The following CARD8 variants were observed in gnomAD, a reference collection of about 807,000 sequenced individuals.
The protein encoded by CARD8 is caspase recruitment domain family member 8.
A neutral mutation model predicts 53.2 loss-of-function variants in CARD8; 38 were observed. The observed-to-expected ratio is 0.71, with a 90% CI of 0.55 to 0.94. The LOEUF (loss-of-function observed/expected upper bound fraction) is 0.94, where lower values mean the gene tolerates loss of function less well. Among genes scored for constraint, CARD8 ranks in the 40% least tolerant of loss-of-function variants. The pLI is 0.00. For missense variants in CARD8, 561 were observed against 655.5 expected, an observed-to-expected ratio of 0.86 and a Z score of 1.57; for synonymous variants, 245 against 244.9, an observed-to-expected ratio of 1.00 and a Z score of 0.00.
chr19:48,210,765 A>T lies in CARD8; in HGVS notation c.*945T>A, dbSNP rs1159873476. ...TCAGAATGGGTTCAAAATACACCAT[A>T]AAAAAAACTGACTCAACCAGATGGT... is the stretch of plus-strand genomic sequence containing the variant. On this transcript the variant is annotated 3_prime_UTR_variant, in exon 14 of 14. Coordinates refer to ENST00000651546, the MANE Select transcript of CARD8 (RefSeq NM_001184900.3). 1.3e-5 allele frequency: 2 copies of T among 152,130 alleles called. No homozygotes were observed. The highest frequency in any genetic ancestry group is 2.9e-5 in the Non-Finnish European group (2 of 67,986). 9.4% of individuals were successfully genotyped at this position (152,130 alleles called of 1,614,324 possible). A position where few individuals can be genotyped will look rare whatever the true frequency, so the allele number is the denominator to read the frequency against.
chr19:48,207,584 C>T (rs1215408096), downstream of CARD8, among the ~76,000 whole-genome samples: 1 of 152,074 alleles, frequency 6.6e-6, no homozygotes, highest in Non-Finnish European at 1.5e-5. Flanking sequence ...ACATTTTACT[C>T]ATAACGTTTG....
downstream of CARD8, chr19:48,204,184 G>A (rs546006738): frequency 2.2e-6 from 1 of 456,018 alleles, no homozygotes; most frequent in Admixed American, 2.3e-5. Context: ...CGGTCTCCAT[G>A]GTTACGAGCC....
chr19:48,217,855 A>T (rs533723147), intron 12 of CARD8, among the ~76,000 whole-genome samples: 9 of 152,342 alleles, frequency 5.9e-5, no homozygotes, highest in African/African-American at 2.2e-4. Flanking sequence ...AATTGTGTTT[A>T]TGATGTTGAG....
At chr19:48,251,804 T>C (rs190072863) in intron 1 of CARD8, among the ~76,000 whole-genome samples, 56 of 152,288 alleles carry the variant, frequency 3.7e-4, no homozygotes, top group Admixed American at 3.4e-3. Context: ...GTGTTCCTCA[T>C]GGTCTGGACC....
intron 6 of CARD8, 141 bp downstream of exon 6, chr19:48,234,262 G>T: frequency 1.2e-6 from 1 of 801,096 alleles, no homozygotes; most frequent in Non-Finnish European, 1.9e-6. Context: ...AAAATTTCTG[G>T]ATTCATTGCT....
Position 48,210,976 on chromosome 19 carries a change from C to CT in CARD8, c.*733dup, listed in dbSNP as rs1360702296. On this transcript the variant is annotated 3_prime_UTR_variant, in exon 14 of 14. Transcript: ENST00000651546. ...CCAGGAATGTCTGTCTCAGAATAAG[C>CT]TGAATTACCCTCATTTTCTTTTTGG... The CT allele has an allele frequency of 6.6e-6, 1 of 152,342 alleles. No individual in the cohort carries two copies. The highest frequency in any genetic ancestry group is 2.4e-5 in the African/African-American group (1 of 41,438). The allele number at this position is 152,342 out of a possible 1,614,324, so 9.4% of individuals were successfully genotyped here.
intron 7 of CARD8, chr19:48,232,250 C>T: frequency 1.6e-6 from 1 of 614,218 alleles, no homozygotes; most frequent in Middle Eastern, 4.4e-4. Context: ...CAGGACCACC[C>T]ACTGACTCCC....
At chr19:48,215,243 TTCTGG>T (rs2039021930) in intron 13 of CARD8, 92 bp downstream of exon 13, 1 of 860,998 alleles carries the variant, frequency 1.2e-6, no homozygotes, top group African/African-American at 1.7e-5. Flanking sequence ...GCCAGTAACG[TTCTGG>T]TGCCATGTCA....
intron 13 of CARD8, among the ~76,000 whole-genome samples, chr19:48,214,597 G>A (rs563074747): frequency 1.3e-5 from 2 of 151,894 alleles, no homozygotes; most frequent in African/African-American, 2.4e-5. Flanking sequence ...CTATGCAGGC[G>A]ACCAGCCCAC....
At chr19:48,246,279 G>A (rs912903595) in intron 3 of CARD8, among the ~76,000 whole-genome samples, 16 of 152,094 alleles carry the variant, frequency 1.1e-4, no homozygotes, top group Admixed American at 6.5e-5. Flanking sequence ...GTCCTTTTTG[G>A]AATATTTCTT....
rs1351895171 is a variant in CARD8, at chr19:48,210,972, T to G, written c.*738A>C. 6.6e-6 allele frequency: 1 copy of G among 152,382 alleles called. No homozygotes were observed. Among genetic ancestry groups the G allele is most frequent in the Admixed American group, 6.5e-5 (1 of 15,284 alleles). 9.4% of individuals were successfully genotyped at this position (152,382 alleles called of 1,614,324 possible). A position where few individuals can be genotyped will look rare whatever the true frequency, so the allele number is the denominator to read the frequency against. ...ATTGCCAGGAATGTCTGTCTCAGAA[T>G]AAGCTGAATTACCCTCATTTTCTTT... On this transcript the variant is annotated 3_prime_UTR_variant, in exon 14 of 14. Transcript: ENST00000651546.
At chr19:48,229,696 A>G (rs1315610617) in intron 10 of CARD8, among the ~76,000 whole-genome samples, 1 of 152,208 alleles carries the variant, frequency 6.6e-6, no homozygotes, top group African/African-American at 2.4e-5. Context: ...ACTAACTCAG[A>G]AGAGAGTGTG....
rs1396822980 is a variant in CARD8, at chr19:48,249,829, G to T, written c.-233C>A. On this transcript the variant is annotated 5_prime_UTR_variant, in exon 2 of 14. Transcript: ENST00000651546. ...CTTGGACACTGCCAGGCTGCTCTGT[G>T]TTCTGTTCCTCTTGGTCACTTGAGA... is the stretch of plus-strand genomic sequence containing the variant. 6.6e-6 allele frequency: 1 copy of T among 152,260 alleles called. No homozygotes were observed. Among genetic ancestry groups the T allele is most frequent in the Non-Finnish European group, 1.5e-5 (1 of 68,086 alleles). 9.4% of individuals were successfully genotyped at this position (152,260 alleles called of 1,614,324 possible).
chr19:48,252,712 G>C (rs901150557), intron 1 of CARD8, among the ~76,000 whole-genome samples: 11 of 151,512 alleles, frequency 7.3e-5, no homozygotes, highest in African/African-American at 2.7e-4. Context: ...TGGCCAGGCT[G>C]GTCTAGAACT....
intron 3 of CARD8, among the ~76,000 whole-genome samples, chr19:48,247,574 G>C (rs2046322874): frequency 2.0e-5 from 3 of 151,652 alleles, no homozygotes; most frequent in Admixed American, 2.0e-4. Context: ...TATGCATAAA[G>C]AAACTCTGGA....
intron 3 of CARD8, among the ~76,000 whole-genome samples, chr19:48,243,353 C>T (rs982308717): frequency 2.6e-5 from 4 of 152,128 alleles, no homozygotes; most frequent in Non-Finnish European, 5.9e-5. Context: ...AAACCCTATA[C>T]AAATGTTTTA....
At chr19:48,215,910 A>C (rs1002145400) in intron 12 of CARD8, among the ~76,000 whole-genome samples, 6 of 152,092 alleles carry the variant, frequency 3.9e-5, no homozygotes, top group African/African-American at 1.4e-4. Flanking sequence ...GATGTTTTCA[A>C]AGTTCAGATG....
At chr19:48,222,415 G>A (rs1177759018) in intron 10 of CARD8, among the ~76,000 whole-genome samples, 1 of 152,224 alleles carries the variant, frequency 6.6e-6, no homozygotes, top group Non-Finnish European at 1.5e-5. Flanking sequence ...AAGCAGCCAG[G>A]CACGGTGGTT....
At chr19:48,217,294 G>A (rs920935040) in intron 12 of CARD8, among the ~76,000 whole-genome samples, 11 of 152,182 alleles carry the variant, frequency 7.2e-5, no homozygotes, top group African/African-American at 2.4e-4. Context: ...TCAACACTGT[G>A]ACAATATTGC....
Sources: allele counts gnomAD v4.1 joint callset (sites outside exome capture counted in the v4.1 genomes callset), GRCh38; gene constraint gnomAD v4.1.1; transcripts MANE v1.5; gene names NCBI Gene and HGNC (gene_info 2026-07-23, HGNC 2026-07-21).